Variants in CCDC148 observed in about 807,000 individuals in gnomAD.
The protein encoded by CCDC148 is coiled-coil domain containing 148.
A neutral mutation model predicts 85.7 loss-of-function variants in CCDC148; 89 were observed. The observed-to-expected ratio is 1.04, with a 90% CI of 0.87 to 1.24. The LOEUF (loss-of-function observed/expected upper bound fraction) is 1.24, where lower values mean the gene tolerates loss of function less well. Among genes scored for constraint, CCDC148 ranks in the 50% most tolerant of loss-of-function variants. The pLI, the probability that CCDC148 is intolerant of heterozygous loss-of-function variation, is 0.00. For missense variants in CCDC148, 692 were observed against 671.7 expected (o/e 1.03, Z -0.33); for synonymous variants, 230 against 213.9 (o/e 1.08, Z -0.66).
Position 158,309,540 on chromosome 2 carries a change from T to G in CCDC148, c.1003A>C (p.Lys335Gln). Residue 335 changes from lysine (K) to glutamine (Q), a missense_variant, in exon 9 of 14, where the codon AAG (lysine) becomes CAG (glutamine). By Grantham distance (53) the Lys-to-Gln change is moderately conservative. Coordinates refer to ENST00000283233, the MANE Select transcript of CCDC148 (RefSeq NM_138803.4). ...WNKNKKDFIQKAVLTLTEACA... is the reference protein window; with the variant it reads ...WNKNKKDFIQQAVLTLTEACA... ...GCCTCAGTGAGTGTCAGCACAGCCTTCTGTATAAAGTCTTTCTTATTTTTA... is the reference window on the plus strand; with the variant it reads ...GCCTCAGTGAGTGTCAGCACAGCCTGCTGTATAAAGTCTTTCTTATTTTTA... 2.5e-6 allele frequency: 4 copies of G among 1,613,904 alleles called. No homozygotes were observed. The highest frequency in any genetic ancestry group is 3.4e-6 in the Non-Finnish European group (4 of 1,179,778).
intron 1 of CCDC148, among the ~76,000 whole-genome samples, chr2:158,442,154 C>G (rs1047720791): frequency 6.6e-6 from 1 of 152,034 alleles, no homozygotes; most frequent in Admixed American, 6.6e-5. Context: ...AAAACAAAGG[C>G]TTTTTAAAGG....
chr2:158,240,450 TCTCACACACACACACA>T (rs1346802044), intron 10 of CCDC148, among the ~76,000 whole-genome samples: 5 of 92,482 alleles, frequency 5.4e-5, no homozygotes, highest in Admixed American at 4.9e-4. Context: ...TCTCTCTCTC[TCTCACACACACACACA>T]CACACACACA....
At chr2:158,357,444 T>C (rs1337872926) in intron 2 of CCDC148, among the ~76,000 whole-genome samples, 1 of 152,158 alleles carries the variant, frequency 6.6e-6, no homozygotes, top group African/African-American at 2.4e-5. Context: ...TTCATGCCTA[T>C]GTTTATCATG....
intron 10 of CCDC148, among the ~76,000 whole-genome samples, chr2:158,227,535 C>CA (rs1399775158): frequency 1.3e-5 from 2 of 152,174 alleles, no homozygotes; most frequent in Non-Finnish European, 2.9e-5. Flanking sequence ...CTGGAGGCAT[C>CA]ACGCTACCTG....
chr2:158,218,548 C>T (rs1687009168), intron 11 of CCDC148, among the ~76,000 whole-genome samples: 1 of 152,222 alleles, frequency 6.6e-6, no homozygotes, highest in South Asian at 2.1e-4. Flanking sequence ...ATCAAAGAAG[C>T]TCCCTGACTA....
intron 1 of CCDC148, among the ~76,000 whole-genome samples, chr2:158,359,594 T>G (rs1400114978): frequency 6.6e-6 from 1 of 152,020 alleles, no homozygotes; most frequent in African/African-American, 2.4e-5. Flanking sequence ...GGAAACTCCC[T>G]CCCCTAGCCA....
At position 158,261,970 on chromosome 2, in the gene CCDC148, G is replaced by T. The variant is rs146934841; in HGVS notation, c.1111-11058C>A. On this transcript the variant is annotated intron_variant, in intron 9 of 13. Transcript: ENST00000283233. ...AAGCAGTATGGTGATTCCTCAGAGA[G>T]CTAAAAGCAGAACTACCATTTGACC... 1.6e-3 allele frequency among the ~76,000 whole-genome samples: 241 copies of T among 152,074 alleles called. 6 individuals are homozygous for T. In the East Asian group the frequency reaches 0.044, roughly 28 times the overall value.
chr2:158,348,017 G>T (rs1683080346), intron 2 of CCDC148, among the ~76,000 whole-genome samples: 1 of 152,040 alleles, frequency 6.6e-6, no homozygotes, highest in African/African-American at 2.4e-5. Flanking sequence ...GTCTAATATT[G>T]CTAGTGGGAA....
chr2:158,262,266 C>G (rs889139652), intron 9 of CCDC148, among the ~76,000 whole-genome samples: 1 of 151,934 alleles, frequency 6.6e-6, no homozygotes, highest in Non-Finnish European at 1.5e-5. Flanking sequence ...AACAGAAAAT[C>G]AAACACCACA....
chr2:158,400,940 A>G (rs990470686), intron 1 of CCDC148, among the ~76,000 whole-genome samples: 1 of 152,276 alleles, frequency 6.6e-6, no homozygotes, highest in African/African-American at 2.4e-5. Flanking sequence ...GCCAACAGAC[A>G]TATGAAAATA....
At chr2:158,401,948 A>G (rs1204311764) in intron 1 of CCDC148, among the ~76,000 whole-genome samples, 2 of 152,036 alleles carry the variant, frequency 1.3e-5, no homozygotes, top group East Asian at 3.9e-4. Flanking sequence ...GGCCATGTAG[A>G]CAGTGAGAAT....
At chr2:158,281,782 C>T (rs531278929) in intron 9 of CCDC148, among the ~76,000 whole-genome samples, 8 of 152,252 alleles carry the variant, frequency 5.3e-5, no homozygotes, top group Admixed American at 3.3e-4. Context: ...TTTTATGAGG[C>T]CAGCATCATC....
intron 10 of CCDC148, among the ~76,000 whole-genome samples, chr2:158,234,240 ACT>A (rs1231229161): frequency 6.6e-6 from 1 of 152,144 alleles, no homozygotes; most frequent in African/African-American, 2.4e-5. Context: ...AGATGGAAAA[ACT>A]CTCTACATGA....
chr2:158,171,296 T>C lies in CCDC148; in HGVS notation c.*817A>G, dbSNP rs1282168832. The C allele has an allele frequency of 1.3e-5, 2 of 151,948 alleles. No individual in the cohort carries two copies. The highest frequency in any genetic ancestry group is 1.9e-4 in the East Asian group (1 of 5,144). The allele number at this position is 151,948 out of a possible 1,614,324, so 9.4% of individuals were successfully genotyped here. ...AGTGGGGTAATCTTAACTGTAACAA[T>C]GGCAACTTTCAACAACACTAACTTG... On this transcript the variant is annotated 3_prime_UTR_variant, in exon 14 of 14. Coordinates refer to ENST00000283233, the MANE Select transcript of CCDC148 (RefSeq NM_138803.4).
intron 1 of CCDC148, among the ~76,000 whole-genome samples, chr2:158,440,630 CAAT>C (rs1322307531): frequency 3.3e-5 from 5 of 151,930 alleles, no homozygotes; most frequent in African/African-American, 7.3e-5. Context: ...ACAAAATAAC[CAAT>C]AATAAAATAG....
At chr2:158,358,406 A>G in intron 2 of CCDC148, 43 bp downstream of exon 2, 1 of 1,580,818 alleles carries the variant, frequency 6.3e-7, no homozygotes, top group Non-Finnish European at 8.5e-7. Context: ...CAGCAATTCG[A>G]TTTTCTAAAA....
chr2:158,197,400 T>C (rs996360152), intron 11 of CCDC148, among the ~76,000 whole-genome samples: 1 of 152,156 alleles, frequency 6.6e-6, no homozygotes, highest in East Asian at 1.9e-4. Context: ...CAAACAGATA[T>C]GGACTCTGGC....
chr2:158,193,396 C>T (rs187557854), intron 11 of CCDC148, among the ~76,000 whole-genome samples: 7 of 152,160 alleles, frequency 4.6e-5, no homozygotes, highest in Admixed American at 3.9e-4. Flanking sequence ...TGAGACTGCT[C>T]CAACATAACA....
intron 7 of CCDC148, among the ~76,000 whole-genome samples, chr2:158,327,713 TTTA>T (rs1355434832): frequency 6.6e-6 from 1 of 152,212 alleles, no homozygotes; most frequent in East Asian, 1.9e-4. Flanking sequence ...TCCTGTGAAT[TTTA>T]TTGATATCGT....
Sources: allele counts gnomAD v4.1 joint callset (sites outside exome capture counted in the v4.1 genomes callset), GRCh38; gene constraint gnomAD v4.1.1; transcripts MANE v1.5; gene names NCBI Gene and HGNC (gene_info 2026-07-23, HGNC 2026-07-21).